EXOC2: variants seen among roughly 807,000 people sequenced by gnomAD.
EXOC2 encodes the protein exocyst complex component 2, also known as SEC5-like 1.
In EXOC2, 70 loss-of-function variants were observed where a neutral mutation model predicts 131.8. The observed-to-expected ratio is 0.53, with a 90% CI of 0.44 to 0.65. The LOEUF is 0.65. EXOC2 is among the 30% of genes least tolerant of loss of function. The pLI is 0.00. For synonymous variants in EXOC2, 411 were observed against 398.4 expected (o/e 1.03, Z -0.38); for missense variants, 923 against 1,108.6 (o/e 0.83, Z 2.38).
At chr6:644,799 T>C (rs988413914) in intron 1 of EXOC2, among the ~76,000 whole-genome samples, 2 of 152,128 alleles carry the variant, frequency 1.3e-5, no homozygotes, top group Non-Finnish European at 2.9e-5. Context: ...GTACAAGACT[T>C]CTACATTAAA....
Position 629,858 on chromosome 6 carries a change from G to A in EXOC2, c.399C>T (p.Asn133=), listed in dbSNP as rs532021392. Residue 133 remains asparagine (N), a synonymous_variant, in exon 4 of 28, where the codon AAC becomes AAT. Transcript: ENST00000230449. ...GIPPLSLRPA[N]PLGIEIEKSK... is the part of the protein sequence containing the mutation. Reference sequence around the variant, plus strand: ...ACTTTTCAATCTCAATGCCAAGCGGGTTAGCAGGACGTAAGGACAAGGGCG... The same window carrying A: ...ACTTTTCAATCTCAATGCCAAGCGGATTAGCAGGACGTAAGGACAAGGGCG... 7.4e-6 allele frequency: 12 copies of A among 1,613,956 alleles called. No homozygotes were observed. In the South Asian group the frequency reaches 1.2e-4, roughly 16 times the overall value.
chr6:592,809 T>C, intron 10 of EXOC2, among the ~76,000 whole-genome samples: 1 of 152,138 alleles, frequency 6.6e-6, no homozygotes. Flanking sequence ...ATGGATCACC[T>C]GAGGTCAGCA....
chr6:676,190 C>T lies in EXOC2; in HGVS notation c.-44+16829G>A, dbSNP rs746903298. The stretch of plus-strand genomic sequence containing the variant: ...AAAGGACAGGTTCCTCTGGAGACTG[C>T]GGTTCCCCATACTCTTCAACATTAC... On this transcript the variant is annotated intron_variant, in intron 1 of 27. Coordinates refer to ENST00000230449, the MANE Select transcript of EXOC2 (RefSeq NM_018303.6). Among the ~76,000 whole-genome samples, 9 of 58,818 alleles carry T rather than the reference C, an allele frequency of 1.5e-4. 1 individual carries two copies. The highest frequency in any genetic ancestry group is 4.4e-4 in the Admixed American group (2 of 4,520). 38.6% of individuals were successfully genotyped at this position (58,818 alleles called of 152,430 possible).
chr6:587,606 A>ATACAGAAAAACAC (rs534439572), intron 11 of EXOC2, among the ~76,000 whole-genome samples: 69 of 152,342 alleles, frequency 4.5e-4, no homozygotes, highest in African/African-American at 1.6e-3. Flanking sequence ...AAATGATCAC[A>ATACAGAAAAACAC]TACAGAAAAA....
intron 6 of EXOC2, among the ~76,000 whole-genome samples, chr6:614,636 C>T (rs907363104): frequency 6.6e-6 from 1 of 152,026 alleles, no homozygotes; most frequent in Non-Finnish European, 1.5e-5. Flanking sequence ...GAATCTAAAC[C>T]ATCAAAAGTG....
intron 18 of EXOC2, 108 bp from the exon 19 acceptor site, chr6:556,121 G>T: frequency 1.0e-6 from 1 of 989,110 alleles, no homozygotes; most frequent in Non-Finnish European, 1.6e-6. Flanking sequence ...TGCAGGAGTG[G>T]TGCCCTTCCT....
intron 11 of EXOC2, among the ~76,000 whole-genome samples, chr6:582,280 G>A (rs1296318159): frequency 2.0e-5 from 3 of 151,822 alleles, no homozygotes; most frequent in East Asian, 1.9e-4. Flanking sequence ...AAAAAGGGCA[G>A]AAGAGACCCT....
chr6:497,590 G>T, intron 24 of EXOC2, 101 bp from the exon 25 acceptor site: 1 of 1,433,046 alleles, frequency 7.0e-7, no homozygotes, highest in Non-Finnish European at 9.2e-7. Context: ...AAAATCAACA[G>T]GACTTCTAAG....
At chr6:487,959 CA>C (rs1244869715) in intron 27 of EXOC2, among the ~76,000 whole-genome samples, 4 of 152,180 alleles carry the variant, frequency 2.6e-5, no homozygotes, top group African/African-American at 9.7e-5. Flanking sequence ...GTGACTGTTT[CA>C]ATCTTTTATC....
intron 1 of EXOC2, among the ~76,000 whole-genome samples, chr6:655,414 C>A (rs1763027649): frequency 6.6e-6 from 1 of 152,088 alleles, no homozygotes; most frequent in Non-Finnish European, 1.5e-5. Context: ...ACTGAAAATC[C>A]AAAAAACTCA....
chr6:593,260 T>C (rs1389804248), intron 10 of EXOC2, among the ~76,000 whole-genome samples: 4 of 151,932 alleles, frequency 2.6e-5, no homozygotes, highest in East Asian at 1.9e-4. Flanking sequence ...AGCCAGCAGA[T>C]ACTGGGCAAA....
intron 22 of EXOC2, among the ~76,000 whole-genome samples, chr6:534,130 T>G (rs1468919235): frequency 6.6e-6 from 1 of 152,116 alleles, no homozygotes; most frequent in Non-Finnish European, 1.5e-5. Flanking sequence ...AAGAACTACT[T>G]CAAAACATAG....
intron 1 of EXOC2, among the ~76,000 whole-genome samples, chr6:647,219 A>C (rs1377599406): frequency 2.0e-5 from 3 of 152,166 alleles, no homozygotes; most frequent in African/African-American, 7.2e-5. Flanking sequence ...AGATCACATA[A>C]AGAACCAAAT....
At position 610,173 on chromosome 6, in the gene EXOC2, G is replaced by A. The variant is rs1760642664; in HGVS notation, c.667C>T (p.His223Tyr). 1 of 1,613,384 alleles carries A rather than the reference G, an allele frequency of 6.2e-7. No individual in the cohort carries two copies. The highest frequency in any genetic ancestry group is 1.7e-5 in the Admixed American group (1 of 59,950). ...GTTCCATCTGCTTCTAGTTTTTGAT[G>A]GATGGCTAGAAAAAAAAATCTAGTT... ...FEAQDALSAI[H>Y]QKLEADGTEK... Residue 223 changes from histidine to tyrosine, a missense_variant, in exon 7 of 28, where the codon CAT becomes TAT. By Grantham distance (83) the His-to-Tyr change is moderately conservative. Transcript: ENST00000230449.
chr6:670,596 G>T (rs1382967477), intron 1 of EXOC2, among the ~76,000 whole-genome samples: 2 of 152,020 alleles, frequency 1.3e-5, no homozygotes, highest in Non-Finnish European at 2.9e-5. Flanking sequence ...GAATGCTTCA[G>T]TGACCTTTCA....
At chr6:650,033 G>A (rs965729413) in intron 1 of EXOC2, among the ~76,000 whole-genome samples, 1 of 152,062 alleles carries the variant, frequency 6.6e-6, no homozygotes, top group Admixed American at 6.6e-5. Flanking sequence ...CTTCCTGCCT[G>A]CAAGAGCAAA....
chr6:514,137 G>A (rs973550373), intron 23 of EXOC2, among the ~76,000 whole-genome samples: 20 of 152,304 alleles, frequency 1.3e-4, no homozygotes, highest in African/African-American at 4.3e-4. Context: ...AAAGGGGTGT[G>A]ATAGGTCTTC....
chr6:648,402 G>A (rs185354161), intron 1 of EXOC2, among the ~76,000 whole-genome samples: 15 of 152,284 alleles, frequency 9.9e-5, no homozygotes, highest in African/African-American at 2.6e-4. Context: ...TCAGTTTGAC[G>A]ATCCATGCCA....
intron 17 of EXOC2, among the ~76,000 whole-genome samples, chr6:557,676 C>T (rs1220903757): frequency 2.0e-5 from 3 of 150,010 alleles, no homozygotes; most frequent in Non-Finnish European, 3.0e-5. Flanking sequence ...GATGGGGGAT[C>T]GGCTGTAAAT....
Sources: allele counts gnomAD v4.1 joint callset (sites outside exome capture counted in the v4.1 genomes callset), GRCh38; gene constraint gnomAD v4.1.1; transcripts MANE v1.5; gene names NCBI Gene and HGNC (gene_info 2026-07-23, HGNC 2026-07-21).